The following EPHA6 variants were observed in gnomAD, a reference collection of about 807,000 sequenced individuals.
EPHA6 encodes ephrin type-A receptor 6.
Under a neutral mutation model 112.0 loss-of-function variants are expected in EPHA6, and 50 were observed. That is an observed-to-expected ratio of 0.45 (90% CI 0.36 to 0.56). EPHA6 has a LOEUF of 0.56. Ranked by LOEUF, EPHA6 falls within the 20% of genes least tolerant of loss-of-function variation. The pLI is 0.00. For synonymous variants in EPHA6, 529 were observed against 490.7 expected, an observed-to-expected ratio of 1.08 and a Z score of -1.03; for missense variants, 1,280 against 1,417.4, an observed-to-expected ratio of 0.90 and a Z score of 1.56.
intron 11 of EPHA6, among the ~76,000 whole-genome samples, chr3:97,539,131 T>G (rs1293644152): frequency 6.9e-6 from 1 of 144,076 alleles, no homozygotes; most frequent in African/African-American, 2.8e-5. Flanking sequence ...TTTCTTTTTC[T>G]TTCTTTCTTT....
At chr3:97,110,235 C>T (rs1420372194) in intron 3 of EPHA6, among the ~76,000 whole-genome samples, 4 of 151,964 alleles carry the variant, frequency 2.6e-5, no homozygotes, top group Admixed American at 2.0e-4. Context: ...GCACAAATTA[C>T]TTAAACATGG....
At chr3:96,989,977 G>A (rs1295867160) in intron 3 of EPHA6, among the ~76,000 whole-genome samples, 2 of 152,104 alleles carry the variant, frequency 1.3e-5, no homozygotes, top group Non-Finnish European at 2.9e-5. Flanking sequence ...AGGATAAAAT[G>A]TATTACACAG....
At chr3:97,196,669 G>A (rs188353413) in intron 3 of EPHA6, among the ~76,000 whole-genome samples, 70 of 151,284 alleles carry the variant, frequency 4.6e-4, no homozygotes, top group African/African-American at 1.1e-3. Context: ...TCTGTCTTTG[G>A]TACTGCAGCC....
chr3:97,171,965 C>T (rs746559081), intron 3 of EPHA6, among the ~76,000 whole-genome samples: 1 of 152,034 alleles, frequency 6.6e-6, no homozygotes, highest in Non-Finnish European at 1.5e-5. Context: ...AAGGAAGTGC[C>T]TTCAACTTTG....
intron 2 of EPHA6, among the ~76,000 whole-genome samples, chr3:96,905,121 A>T (rs1313379512): frequency 6.6e-6 from 1 of 152,080 alleles, no homozygotes; most frequent in Non-Finnish European, 1.5e-5. Flanking sequence ...AGTTATTTAA[A>T]ATTTTTAAGA....
In EPHA6 at chr3:97,212,053, A is replaced by G. The variant is rs547647870; in HGVS notation, c.1115-14211A>G. ...TTGAAGACATTTTTCTTTATCCATAAAAGCAAATTCAGTCTGACTTAAAGA... is the reference window on the plus strand; with the variant it reads ...TTGAAGACATTTTTCTTTATCCATAGAAGCAAATTCAGTCTGACTTAAAGA... On this transcript the variant is annotated intron_variant, in intron 3 of 17. Coordinates refer to ENST00000389672, the MANE Select transcript of EPHA6 (RefSeq NM_001080448.3). Among the ~76,000 whole-genome samples the G allele has an allele frequency of 6.6e-5, 10 of 152,302 alleles. No individual in the cohort carries two copies. In the South Asian group the frequency reaches 2.1e-3, roughly 32 times the overall value.
intron 11 of EPHA6, among the ~76,000 whole-genome samples, chr3:97,584,736 A>C (rs1303989696): frequency 6.6e-6 from 1 of 152,202 alleles, no homozygotes; most frequent in East Asian, 1.9e-4. Flanking sequence ...AAAGATCATG[A>C]AGGCATGGAG....
intron 3 of EPHA6, among the ~76,000 whole-genome samples, chr3:97,187,634 AAG>A (rs1353235169): frequency 6.7e-6 from 1 of 149,216 alleles, no homozygotes; most frequent in Non-Finnish European, 1.5e-5. Flanking sequence ...AAAGGGAAGA[AAG>A]AAAAAGAGAG....
rs559757539 is a variant in EPHA6 at position 97,216,022 on chromosome 3, C to T, written c.1115-10242C>T. The stretch of plus-strand genomic sequence containing the variant: ...AAGCAAAAGAGAAAGGGAAAAGAAA[C>T]TACATCAGGTGAGAAAAGTCAATGT... On this transcript the variant is annotated intron_variant, in intron 3 of 17. Transcript: ENST00000389672. Among the ~76,000 whole-genome samples the T allele has an allele frequency of 3.2e-3, 483 of 152,254 alleles. 2 individuals are homozygous for T. Among genetic ancestry groups the T allele is most frequent in the African/African-American group, 0.011 (467 of 41,568 alleles).
chr3:97,311,958 C>T (rs1210499997), intron 5 of EPHA6, among the ~76,000 whole-genome samples: 1 of 151,658 alleles, frequency 6.6e-6, no homozygotes, highest in Non-Finnish European at 1.5e-5. Flanking sequence ...CTTCCAATCA[C>T]TATAGTTCAT....
At chr3:97,172,811 TA>T (rs1431089173) in intron 3 of EPHA6, among the ~76,000 whole-genome samples, 2 of 152,016 alleles carry the variant, frequency 1.3e-5, no homozygotes, top group African/African-American at 4.8e-5. Flanking sequence ...ATCATCAATT[TA>T]CTTTTCTGTT....
intron 15 of EPHA6, among the ~76,000 whole-genome samples, chr3:97,723,180 C>T (rs1042923726): frequency 6.6e-6 from 1 of 152,180 alleles, no homozygotes; most frequent in Non-Finnish European, 1.5e-5. Context: ...AGGATGTCCA[C>T]AGAGCAGAAG....
At chr3:96,965,042 G>A (rs2042075897) in intron 2 of EPHA6, among the ~76,000 whole-genome samples, 1 of 152,116 alleles carries the variant, frequency 6.6e-6, no homozygotes, top group Admixed American at 6.6e-5. Context: ...ACAGAAATCG[G>A]AAGTGAGTTT....
chr3:97,312,797 T>C (rs1205416498), intron 5 of EPHA6, among the ~76,000 whole-genome samples: 3 of 151,368 alleles, frequency 2.0e-5, no homozygotes, highest in Non-Finnish European at 4.4e-5. Flanking sequence ...GCTTTTTGAA[T>C]CCTAACCTGG....
At chr3:96,937,019 T>A (rs555663337) in intron 2 of EPHA6, among the ~76,000 whole-genome samples, 1 of 152,326 alleles carries the variant, frequency 6.6e-6, no homozygotes, top group Non-Finnish European at 1.5e-5. Flanking sequence ...TTGTTGGATA[T>A]TTGGCTTGGT....
intron 11 of EPHA6, among the ~76,000 whole-genome samples, chr3:97,583,211 C>T (rs1470701138): frequency 6.6e-6 from 1 of 151,714 alleles, no homozygotes; most frequent in Non-Finnish European, 1.5e-5. Flanking sequence ...TTAGCTGACT[C>T]CTTGGCACCT....
At chr3:96,865,921 C>T (rs1397536059) in intron 1 of EPHA6, among the ~76,000 whole-genome samples, 1 of 151,902 alleles carries the variant, frequency 6.6e-6, no homozygotes, top group African/African-American at 2.4e-5. Context: ...AGTTGATCTC[C>T]ATCTGTCTTT....
At position 97,148,225 on chromosome 3, in the gene EPHA6, G is replaced by A. The variant is rs535971997; in HGVS notation, c.1115-78039G>A. ...TGGCTTATGCATGTAATCCCAGCACGTTGGGAGGCTGAGGCAGAAAGATTG... is the reference window on the plus strand; with the variant it reads ...TGGCTTATGCATGTAATCCCAGCACATTGGGAGGCTGAGGCAGAAAGATTG... On this transcript the variant is annotated intron_variant, in intron 3 of 17. Coordinates refer to ENST00000389672, the MANE Select transcript of EPHA6 (RefSeq NM_001080448.3). Among the ~76,000 whole-genome samples the A allele has an allele frequency of 1.6e-3, 243 of 152,052 alleles. 1 individual carries two copies. The highest frequency in any genetic ancestry group is 5.2e-3 in the African/African-American group (217 of 41,502).
chr3:97,031,558 G>A (rs1314343934), intron 3 of EPHA6, among the ~76,000 whole-genome samples: 1 of 151,958 alleles, frequency 6.6e-6, no homozygotes, highest in African/African-American at 2.4e-5. Context: ...CTGACAAAGG[G>A]CTAATACCCA....
Sources: allele counts gnomAD v4.1 joint callset (sites outside exome capture counted in the v4.1 genomes callset), GRCh38; gene constraint gnomAD v4.1.1; transcripts MANE v1.5; gene names NCBI Gene and HGNC (gene_info 2026-07-23, HGNC 2026-07-21).